The following RNF217 variants were observed in gnomAD, a reference collection of about 807,000 sequenced individuals.
RNF217 encodes the protein ring finger protein 217, also known as E3 ubiquitin-protein ligase RNF217.
A neutral mutation model predicts 57.8 loss-of-function variants in RNF217; 31 were observed. The ratio of observed to expected loss-of-function variants is 0.54; its 90% CI spans 0.40 to 0.72. RNF217 has a LOEUF of 0.72. RNF217 is among the 30% of genes least tolerant of loss of function. The pLI, the probability that RNF217 is intolerant of heterozygous loss-of-function variation, is 0.00. For missense variants in RNF217, 696 were observed against 708.3 expected (o/e 0.98, Z 0.20); for synonymous variants, 313 against 294.0 (o/e 1.06, Z -0.66).
At chr6:125,051,566 T>C (rs1234936470) in intron 2 of RNF217, among the ~76,000 whole-genome samples, 1 of 152,094 alleles carries the variant, frequency 6.6e-6, no homozygotes, top group Non-Finnish European at 1.5e-5. Flanking sequence ...ATGCAGACTC[T>C]GAACACTGCT....
chr6:124,969,757 T>A (rs1248321563), intron 1 of RNF217, among the ~76,000 whole-genome samples: 3 of 151,924 alleles, frequency 2.0e-5, no homozygotes, highest in Non-Finnish European at 4.4e-5. Flanking sequence ...AAATGGAAAA[T>A]GAGATAAGTA....
At chr6:125,074,403 G>C (rs534491233) in intron 3 of RNF217, among the ~76,000 whole-genome samples, 2 of 152,142 alleles carry the variant, frequency 1.3e-5, no homozygotes, top group African/African-American at 4.8e-5. Flanking sequence ...TGACATTTTT[G>C]TGATTACTAT....
At chr6:124,977,098 A>G (rs1378994967) in intron 1 of RNF217, among the ~76,000 whole-genome samples, 2 of 152,236 alleles carry the variant, frequency 1.3e-5, no homozygotes. Context: ...AGAATTTTCC[A>G]TCCTACTTAA....
At chr6:125,034,142 G>A (rs1268375960) in intron 1 of RNF217, among the ~76,000 whole-genome samples, 1 of 152,050 alleles carries the variant, frequency 6.6e-6, no homozygotes, top group African/African-American at 2.4e-5. Context: ...CCATTTTGTA[G>A]GTTGCCTATT....
Position 125,029,933 on chromosome 6 carries a change from A to C in RNF217, c.883-15278A>C, listed in dbSNP as rs564048867. ...ATAGCTGCTTTGTTACTCCGTTTTC[A>C]TGCTGCTGACAAAGACATACCTGAG... On this transcript the variant is annotated intron_variant, in intron 1 of 5. Transcript: ENST00000521654. 9.5e-4 allele frequency among the ~76,000 whole-genome samples: 145 copies of C among 152,300 alleles called. 4 individuals are homozygous for C. Among genetic ancestry groups the C allele is most frequent in the Admixed American group, 9.5e-3 (145 of 15,292 alleles).
At chr6:125,024,038 G>A (rs1015757759) in intron 1 of RNF217, among the ~76,000 whole-genome samples, 35 of 152,118 alleles carry the variant, frequency 2.3e-4, no homozygotes, top group African/African-American at 7.2e-4. Context: ...ACAATGCATT[G>A]TATACTTGAA....
At position 124,962,907 on chromosome 6, in the gene RNF217, G is replaced by A. The variant is rs1582639226; in HGVS notation, c.363G>A (p.Gly121=). The A allele has an allele frequency of 3.8e-6, 6 of 1,597,978 alleles. No individual in the cohort carries two copies. Among genetic ancestry groups the A allele is most frequent in the Admixed American group, 1.7e-5 (1 of 60,004 alleles). The change falls in exon 1 of 6, where the codon GGG becomes GGA. Residue 121 remains glycine, a synonymous_variant. Transcript: ENST00000521654. The surrounding 1 kb of genome is among the most constrained non-coding windows in gnomAD (Gnocchi z 4.6). Reference sequence around the variant, plus strand: ...AAGCTGGGGATCGAAAAGAGGGAGGGGATGAACAGCAGGAGGCGCCCCCCG... The same window carrying A: ...AAGCTGGGGATCGAAAAGAGGGAGGAGATGAACAGCAGGAGGCGCCCCCCG... The part of the protein sequence containing the change: ...EEEAGDRKEG[G]DEQQEAPPGE...
rs759849189 is a variant in RNF217, at chr6:125,076,786, A to G, written c.1411A>G (p.Ile471Val). 4.3e-6 allele frequency: 7 copies of G among 1,613,608 alleles called. No homozygotes were observed. The highest frequency in any genetic ancestry group is 2.7e-5 in the African/African-American group (2 of 74,866). Reference sequence around the variant, plus strand: ...TGGAGACCACACATCAAACCTCAGTATATTTGGATGCAAATATCGCTACCT... The same window carrying G: ...TGGAGACCACACATCAAACCTCAGTGTATTTGGATGCAAATATCGCTACCT... ...FFGDHTSNLS[I>V]FGCKYRYLPE... The change falls in exon 4 of 6, where the codon ATA becomes GTA. Residue 471 changes from isoleucine to valine, a missense_variant. Ile to Val is a conservative substitution (Grantham distance 29, BLOSUM62 3). Around this residue, in one of 2 missense-constraint regions of RNF217, gnomAD observed 231 missense variants for 321.4 expected, o/e 0.72. Transcript: ENST00000521654.
rs1449843095 is a variant in RNF217 at position 125,088,928 on chromosome 6, T to C, written c.*5991T>C. 2.0e-5 allele frequency: 3 copies of C among 152,668 alleles called. No homozygotes were observed. Among genetic ancestry groups the C allele is most frequent in the Non-Finnish European group, 2.9e-5 (2 of 68,036 alleles). 9.5% of individuals were successfully genotyped at this position (152,668 alleles called of 1,614,324 possible). A position where few individuals can be genotyped will look rare whatever the true frequency, so the allele number is the denominator to read the frequency against. On this transcript the variant is annotated 3_prime_UTR_variant, in exon 6 of 6. Coordinates refer to ENST00000521654, the MANE Select transcript of RNF217 (RefSeq NM_001286398.3). The stretch of plus-strand genomic sequence containing the variant: ...CTTTTTCTCTTAAATTTCCTAATTA[T>C]CTTGATTTTTGCCTCTGCAGTCTTC...
intron 1 of RNF217, among the ~76,000 whole-genome samples, chr6:125,040,212 G>T (rs993824792): frequency 3.9e-5 from 6 of 152,024 alleles, no homozygotes; most frequent in Non-Finnish European, 5.9e-5. Flanking sequence ...TAATAAAGAA[G>T]AAAATAGAGG....
At chr6:125,014,919 T>G (rs572702403) in intron 1 of RNF217, among the ~76,000 whole-genome samples, 113 of 152,312 alleles carry the variant, frequency 7.4e-4, no homozygotes, top group African/African-American at 2.6e-3. Flanking sequence ...ATAAACCATG[T>G]TGACCCTGCT....
chr6:125,025,527 A>T (rs1215040148), intron 1 of RNF217, among the ~76,000 whole-genome samples: 1 of 144,388 alleles, frequency 6.9e-6, no homozygotes, highest in African/African-American at 2.6e-5. Flanking sequence ...GGAGGGAGGG[A>T]GGAAGGGATA....
intron 1 of RNF217, among the ~76,000 whole-genome samples, chr6:125,025,115 A>G (rs1786022248): frequency 1.3e-5 from 2 of 152,210 alleles, no homozygotes. Context: ...AGAAAGAAAC[A>G]GAACTCAACA....
chr6:125,085,309 C>A lies in RNF217; in HGVS notation c.*2372C>A, dbSNP rs1327438508. On this transcript the variant is annotated 3_prime_UTR_variant, in exon 6 of 6. Transcript: ENST00000521654. ...TTTCATCAGTGCTTGAAATAGTGTG[C>A]ACTGTGTTGCACAGGTTTTTCATTT... is the stretch of plus-strand genomic sequence containing the variant. The A allele has an allele frequency of 6.6e-6, 1 of 151,798 alleles. No homozygotes were observed. The highest frequency in any genetic ancestry group is 2.4e-5 in the African/African-American group (1 of 41,398). The allele number at this position is 151,798 out of a possible 1,614,324, so 9.4% of individuals were successfully genotyped here.
intron 3 of RNF217, among the ~76,000 whole-genome samples, chr6:125,063,817 A>C (rs769600251): frequency 5.9e-5 from 9 of 152,064 alleles, no homozygotes; most frequent in Non-Finnish European, 1.3e-4. Context: ...CAAAAAAGCA[A>C]GCAGAAAAAA....
intron 1 of RNF217, among the ~76,000 whole-genome samples, chr6:125,039,296 A>C (rs1786779253): frequency 6.6e-6 from 1 of 152,066 alleles, no homozygotes; most frequent in African/African-American, 2.4e-5. Flanking sequence ...CAAGGGTTGC[A>C]ATCCTAGTCT....
chr6:124,998,709 G>A (rs552910106), intron 1 of RNF217, among the ~76,000 whole-genome samples: 1 of 152,278 alleles, frequency 6.6e-6, no homozygotes. Context: ...GCCCAGGCAG[G>A]AGAATCGTTT....
intron 1 of RNF217, chr6:124,971,434 T>G (rs953729619): frequency 1.4e-5 from 4 of 289,940 alleles, no homozygotes; most frequent in Admixed American, 4.1e-5. Context: ...TGATTTGATT[T>G]GATTTACTGT....
At chr6:124,998,120 T>C (rs1455095939) in intron 1 of RNF217, among the ~76,000 whole-genome samples, 2 of 152,218 alleles carry the variant, frequency 1.3e-5, no homozygotes, top group Non-Finnish European at 2.9e-5. Flanking sequence ...CATGTTCCAG[T>C]CATTTCTATT....
Sources: gnomAD v4.1 joint callset for allele counts (sites outside exome capture counted in the v4.1 genomes callset) on GRCh38, gnomAD v4.1.1 for gene constraint, gnomAD v4.1.1 regional missense constraint, Gnocchi (gnomAD v3.1) non-coding constraint, MANE v1.5 for transcripts, NCBI Gene and HGNC (gene_info 2026-07-23, HGNC 2026-07-21) for gene names.